MECOM: variants seen among roughly 807,000 people sequenced by gnomAD.
The protein encoded by MECOM is histone-lysine N-methyltransferase MECOM.
Under a neutral mutation model 116.3 loss-of-function variants are expected in MECOM, and 13 were observed. That is an observed-to-expected ratio of 0.11 (90% confidence interval 0.07 to 0.18). The LOEUF (loss-of-function observed/expected upper bound fraction) is 0.18. Among genes scored for constraint, MECOM ranks in the 10% least tolerant of loss-of-function variants. MECOM has a pLI of 1.00. For synonymous variants in MECOM, 528 were observed against 535.2 expected, an observed-to-expected ratio of 0.99 and a Z score of 0.19; for missense variants, 1,299 against 1,509.0, an observed-to-expected ratio of 0.86 and a Z score of 2.31.
chr3:169,590,090 A>G (rs1766232724), intron 1 of MECOM, among the ~76,000 whole-genome samples: 1 of 152,212 alleles, frequency 6.6e-6, no homozygotes, highest in South Asian at 2.1e-4. Flanking sequence ...AAAACAACAG[A>G]TCATCAACAA....
intron 1 of MECOM, among the ~76,000 whole-genome samples, chr3:169,614,003 T>A (rs964511154): frequency 1.3e-4 from 20 of 152,220 alleles, no homozygotes; most frequent in African/African-American, 4.8e-4. Context: ...TTCTCATTAA[T>A]AAAAACTGAT....
intron 1 of MECOM, among the ~76,000 whole-genome samples, chr3:169,643,181 T>C (rs1274084235): frequency 6.6e-6 from 1 of 152,216 alleles, no homozygotes; most frequent in Non-Finnish European, 1.5e-5. Flanking sequence ...AACCAGATTG[T>C]CATTTTTTTC....
At chr3:169,523,555 A>T (rs1304474109) in intron 1 of MECOM, among the ~76,000 whole-genome samples, 1 of 152,106 alleles carries the variant, frequency 6.6e-6, no homozygotes, top group East Asian at 1.9e-4. Context: ...GAAAGAACAG[A>T]TGCTCACAAC....
chr3:169,442,621 C>A (rs939935936), intron 1 of MECOM, among the ~76,000 whole-genome samples: 2 of 152,036 alleles, frequency 1.3e-5, no homozygotes, highest in Admixed American at 1.3e-4. Context: ...GAGACAATCA[C>A]CACTAACTTT....
intron 2 of MECOM, among the ~76,000 whole-genome samples, chr3:169,144,503 A>C (rs1329741911): frequency 6.6e-6 from 1 of 152,196 alleles, no homozygotes; most frequent in African/African-American, 2.4e-5. Context: ...CCTTGTGAAC[A>C]AATAAAAAAT....
chr3:169,472,967 T>A, intron 1 of MECOM: 1 of 984,078 alleles, frequency 1.0e-6, no homozygotes, highest in Non-Finnish European at 1.2e-6. Flanking sequence ...CTGGTAGTTA[T>A]CAATATGTAG....
At chr3:169,632,247 A>T (rs1202337452) in intron 1 of MECOM, among the ~76,000 whole-genome samples, 1 of 152,152 alleles carries the variant, frequency 6.6e-6, no homozygotes, top group Non-Finnish European at 1.5e-5. Flanking sequence ...TTCAAAATAA[A>T]GCTATGTGAA....
At chr3:169,268,943 G>A (rs967477833) in intron 2 of MECOM, among the ~76,000 whole-genome samples, 5 of 152,066 alleles carry the variant, frequency 3.3e-5, no homozygotes, top group Admixed American at 2.0e-4. Context: ...ATTACTAAGC[G>A]GATTTAATTG....
At chr3:169,660,113 C>G (rs1398844773) in intron 1 of MECOM, among the ~76,000 whole-genome samples, 1 of 152,182 alleles carries the variant, frequency 6.6e-6, no homozygotes, top group Non-Finnish European at 1.5e-5. Context: ...CCAACCTGCA[C>G]TTCCTTTCCA....
Position 169,381,168 on chromosome 3 carries a change from A to C in MECOM, c.375+19T>G, listed in dbSNP as rs1406692846. ...ACAGCTGCAATATATAAATGTGTTA[A>C]CTCAAAATACATTCTTACCTCCCAT... is the stretch of plus-strand genomic sequence containing the variant. On this transcript the variant is annotated intron_variant, in intron 2 of 16. Coordinates refer to ENST00000651503, the MANE Select transcript of MECOM (RefSeq NM_004991.4). 6.3e-7 allele frequency: 1 copy of C among 1,577,542 alleles called. No individual in the cohort carries two copies. The highest frequency in any genetic ancestry group is 1.7e-5 in the Admixed American group (1 of 57,522).
intron 2 of MECOM, among the ~76,000 whole-genome samples, chr3:169,232,648 T>C (rs1174067912): frequency 2.7e-5 from 4 of 150,662 alleles, no homozygotes; most frequent in Non-Finnish European, 5.9e-5. Context: ...TTGTAAAATA[T>C]ATATATATAT....
chr3:169,661,255 A>G (rs1218182141), intron 1 of MECOM, among the ~76,000 whole-genome samples: 5 of 151,884 alleles, frequency 3.3e-5, no homozygotes, highest in African/African-American at 4.8e-5. Flanking sequence ...CAACTTAGGC[A>G]TGGTTGAAAA....
intron 2 of MECOM, among the ~76,000 whole-genome samples, chr3:169,156,025 A>G (rs1422910121): frequency 1.3e-5 from 2 of 152,192 alleles, no homozygotes; most frequent in African/African-American, 2.4e-5. Context: ...TGATCAGCCA[A>G]TCTACCTGTA....
At position 169,095,956 on chromosome 3, in the gene MECOM, T is replaced by C. The variant is rs561503244; in HGVS notation, c.2850-711A>G. 1.3e-3 allele frequency among the ~76,000 whole-genome samples: 198 copies of C among 152,246 alleles called. 3 individuals are homozygous for C. Among genetic ancestry groups the C allele is most frequent in the Non-Finnish European group, 1.1e-3 (77 of 68,014 alleles). ...TTTCATTTCTCTTTTTCTGAACGAG[T>C]CTCTAGCAGTCTGAATCAGGTTGGT... On this transcript the variant is annotated intron_variant, in intron 12 of 16. Transcript: ENST00000651503.
chr3:169,445,571 G>A (rs999256912), intron 1 of MECOM, among the ~76,000 whole-genome samples: 1 of 152,226 alleles, frequency 6.6e-6, no homozygotes, highest in Non-Finnish European at 1.5e-5. Context: ...CCTCTGCCAG[G>A]GCAGTGCAGT....
At chr3:169,543,254 G>A (rs190451129) in intron 1 of MECOM, among the ~76,000 whole-genome samples, 7 of 152,268 alleles carry the variant, frequency 4.6e-5, no homozygotes, top group East Asian at 3.9e-4. Context: ...ATTATTTGAT[G>A]TAGGAATACA....
chr3:169,400,972 A>G (rs1735796586), intron 1 of MECOM, among the ~76,000 whole-genome samples: 1 of 152,162 alleles, frequency 6.6e-6, no homozygotes, highest in Non-Finnish European at 1.5e-5. Context: ...ATATCCCAGT[A>G]ATGGTTCAGA....
chr3:169,084,091 C>CA lies in MECOM; in HGVS notation c.*817dup, dbSNP rs1716943894. 1 of 231,652 alleles carries CA rather than the reference C, an allele frequency of 4.3e-6. No homozygotes were observed. The highest frequency in any genetic ancestry group is 6.1e-5 in the East Asian group (1 of 16,338). The allele number at this position is 231,652 out of a possible 1,614,324, so 14.3% of individuals were successfully genotyped here. On this transcript the variant is annotated 3_prime_UTR_variant, in exon 17 of 17. Transcript: ENST00000651503. ...ACTGGAACAGTGCTATTTTAATCAACAAACAATAGTTTGCCAACAAATAAA... is the reference window on the plus strand; with the variant it reads ...ACTGGAACAGTGCTATTTTAATCAACAAAACAATAGTTTGCCAACAAATAAA...
intron 1 of MECOM, among the ~76,000 whole-genome samples, chr3:169,533,178 TC>T (rs5854337): frequency 0.42 from 64,158 of 151,886 alleles, 15,085 homozygotes; most frequent in African/African-American, 0.64. Context: ...ACTTCACGTT[TC>T]CTCACATTTG....
Sources: allele counts gnomAD v4.1 joint callset (sites outside exome capture counted in the v4.1 genomes callset), GRCh38; gene constraint gnomAD v4.1.1; transcripts MANE v1.5; gene names NCBI Gene and HGNC (gene_info 2026-07-23, HGNC 2026-07-21).